Variants in ARSB observed in about 807,000 individuals in gnomAD.
ARSB encodes N-acetylgalactosamine-4-sulfatase.
A neutral mutation model predicts 50.9 loss-of-function variants in ARSB; 41 were observed. The ratio of observed to expected loss-of-function variants is 0.81; its 90% CI spans 0.63 to 1.04. ARSB has a LOEUF of 1.04. ARSB is among the 50% of genes least tolerant of loss of function. ARSB has a pLI of 0.00. For missense variants in ARSB, 672 were observed against 693.3 expected, an observed-to-expected ratio of 0.97 and a Z score of 0.35; for synonymous variants, 269 against 284.8, an observed-to-expected ratio of 0.94 and a Z score of 0.56.
intron 5 of ARSB, among the ~76,000 whole-genome samples, chr5:78,858,654 A>T (rs993016408): frequency 2.0e-5 from 3 of 152,220 alleles, no homozygotes; most frequent in Non-Finnish European, 4.4e-5. Flanking sequence ...GCAGTATCAA[A>T]TTTTTAGAAA....
chr5:78,915,328 A>G (rs1194261794), intron 4 of ARSB, among the ~76,000 whole-genome samples: 2 of 151,558 alleles, frequency 1.3e-5, no homozygotes, highest in African/African-American at 4.9e-5. Flanking sequence ...TGACCTTAGG[A>G]CCTTTCTGAG....
chr5:78,840,271 T>C (rs1241109998), intron 5 of ARSB, among the ~76,000 whole-genome samples: 1 of 152,152 alleles, frequency 6.6e-6, no homozygotes, highest in Non-Finnish European at 1.5e-5. Context: ...TCTAATACAG[T>C]TCAGCTAAGT....
chr5:78,866,086 TCAGTGCCC>T (rs1203341678), intron 5 of ARSB, among the ~76,000 whole-genome samples: 2 of 152,196 alleles, frequency 1.3e-5, no homozygotes, highest in African/African-American at 4.8e-5. Context: ...TATCTTTTCA[TCAGTGCCC>T]CACTCTACTG....
At chr5:78,935,969 C>T (rs1401740319) in intron 4 of ARSB, among the ~76,000 whole-genome samples, 1 of 101,118 alleles carries the variant, frequency 9.9e-6, no homozygotes, top group Non-Finnish European at 2.1e-5. Flanking sequence ...CTCTCCTTCC[C>T]TTCCTTCCTT....
chr5:78,978,224 A>G (rs942927923), intron 1 of ARSB, among the ~76,000 whole-genome samples: 1 of 151,974 alleles, frequency 6.6e-6, no homozygotes, highest in African/African-American at 2.4e-5. Flanking sequence ...CTATAGTCCC[A>G]GCTACTCAGG....
At chr5:78,907,448 G>T (rs754558093) in intron 4 of ARSB, among the ~76,000 whole-genome samples, 9 of 152,120 alleles carry the variant, frequency 5.9e-5, no homozygotes, top group Non-Finnish European at 1.2e-4. Flanking sequence ...TCTTTCCTGG[G>T]GAGTCTTGAA....
At chr5:78,860,883 A>G (rs1746401696) in intron 5 of ARSB, among the ~76,000 whole-genome samples, 1 of 152,238 alleles carries the variant, frequency 6.6e-6, no homozygotes, top group South Asian at 2.1e-4. Context: ...ATAAAGAAGA[A>G]AAGAGAGAAG....
At chr5:78,896,678 C>T (rs1748577650) in intron 4 of ARSB, among the ~76,000 whole-genome samples, 1 of 152,080 alleles carries the variant, frequency 6.6e-6, no homozygotes, top group African/African-American at 2.4e-5. Flanking sequence ...TGGACTCATT[C>T]CAAGACTTTA....
intron 4 of ARSB, among the ~76,000 whole-genome samples, chr5:78,909,220 C>T (rs1332681533): frequency 1.3e-5 from 2 of 152,176 alleles, no homozygotes; most frequent in Non-Finnish European, 2.9e-5. Context: ...ATGATATTAG[C>T]TTATGCTCAC....
rs751010538 is a variant in ARSB, at chr5:78,984,974, G to A, written c.275C>T (p.Thr92Met). The stretch of plus-strand genomic sequence containing the variant: ...AGTGAGCAGCTGGCTCCGCGACGGC[G>A]TGCACAGCGGCTGCGTGTAGTAGTT... ...LDNYYTQPLC[T>M]PSRSQLLTGR... Residue 92 changes from threonine (T) to methionine (M), a missense_variant, in exon 1 of 8, where the codon ACG (threonine) becomes ATG (methionine). Physicochemically the swap from Thr to Met is moderately conservative, Grantham distance 81. Coordinates refer to ENST00000264914, the MANE Select transcript of ARSB (RefSeq NM_000046.5). The A allele has an allele frequency of 4.2e-5, 64 of 1,512,102 alleles. No homozygotes were observed. Among genetic ancestry groups the A allele is most frequent in the Non-Finnish European group, 5.1e-5 (58 of 1,131,990 alleles). The allele number at this position is 1,512,102 out of a possible 1,614,324, so 93.7% of individuals were successfully genotyped here.
chr5:78,939,528 T>C (rs968960813), intron 4 of ARSB, among the ~76,000 whole-genome samples: 15 of 151,806 alleles, frequency 9.9e-5, no homozygotes, highest in African/African-American at 3.4e-4. Flanking sequence ...TGAGAACATG[T>C]GGTGTTTGGT....
chr5:78,806,012 A>G (rs905086847), intron 6 of ARSB, among the ~76,000 whole-genome samples: 12 of 152,260 alleles, frequency 7.9e-5, no homozygotes, highest in Non-Finnish European at 1.8e-4. Context: ...TTTCTGTAAA[A>G]TGAGACTAAT....
At chr5:78,800,067 C>T (rs969815992) in intron 6 of ARSB, among the ~76,000 whole-genome samples, 1 of 152,058 alleles carries the variant, frequency 6.6e-6, no homozygotes, top group Non-Finnish European at 1.5e-5. Flanking sequence ...TCTGTAATCC[C>T]GGCACTTTGG....
chr5:78,909,407 T>C (rs376655939), intron 4 of ARSB, among the ~76,000 whole-genome samples: 4 of 152,298 alleles, frequency 2.6e-5, no homozygotes, highest in South Asian at 4.2e-4. Context: ...ACTGTCTCTA[T>C]GTAGAAAGGG....
chr5:78,968,229 T>A (rs1752286952), intron 2 of ARSB, among the ~76,000 whole-genome samples: 1 of 142,408 alleles, frequency 7.0e-6, no homozygotes, highest in Non-Finnish European at 1.5e-5. Context: ...CCCACCCCCT[T>A]CAAAAAAAAA....
intron 2 of ARSB, among the ~76,000 whole-genome samples, chr5:78,964,828 A>G (rs1243821803): frequency 1.3e-5 from 2 of 151,582 alleles, no homozygotes; most frequent in Non-Finnish European, 2.9e-5. Flanking sequence ...CGCCTTTAGA[A>G]TATAGGCGCT....
intron 4 of ARSB, 29 bp downstream of exon 4, chr5:78,955,266 A>G: frequency 6.2e-7 from 1 of 1,607,322 alleles, no homozygotes; most frequent in South Asian, 1.1e-5. Context: ...GGCTTTGCCA[A>G]GAGATGATTT....
chr5:78,814,769 C>G (rs1372453937), intron 6 of ARSB, among the ~76,000 whole-genome samples: 3 of 150,762 alleles, frequency 2.0e-5, no homozygotes, highest in Non-Finnish European at 4.4e-5. Context: ...CAAGCTTCCT[C>G]AAAGTGTGGT....
At chr5:78,862,376 T>C (rs1746486739) in intron 5 of ARSB, among the ~76,000 whole-genome samples, 2 of 152,176 alleles carry the variant, frequency 1.3e-5, no homozygotes, top group Admixed American at 6.5e-5. Flanking sequence ...ACTACAAGGC[T>C]ACAGTAACCA....
Sources: gnomAD v4.1 joint callset for allele counts (sites outside exome capture counted in the v4.1 genomes callset) on GRCh38, gnomAD v4.1.1 for gene constraint, MANE v1.5 for transcripts, NCBI Gene and HGNC (gene_info 2026-07-23, HGNC 2026-07-21) for gene names.